The following PLA2R1 variants were observed in gnomAD, a reference collection of about 807,000 sequenced individuals.
PLA2R1 encodes phospholipase A2 receptor 1.
Under a neutral mutation model 195.9 loss-of-function variants are expected in PLA2R1, and 158 were observed. The ratio of observed to expected loss-of-function variants is 0.81; its 90% CI spans 0.71 to 0.92. The LOEUF is 0.92. Among genes scored for constraint, PLA2R1 ranks in the 40% least tolerant of loss-of-function variants. PLA2R1 has a pLI of 0.00. For missense variants in PLA2R1, 1,626 were observed against 1,764.6 expected, an observed-to-expected ratio of 0.92 and a Z score of 1.41; for synonymous variants, 586 against 598.2, an observed-to-expected ratio of 0.98 and a Z score of 0.30.
intron 11 of PLA2R1, among the ~76,000 whole-genome samples, chr2:160,002,722 TACTAGCAA>T (rs896132262): frequency 1.5e-4 from 23 of 151,998 alleles, no homozygotes; most frequent in African/African-American, 4.8e-4. Flanking sequence ...TGAAGCTTTG[TACTAGCAA>T]ACTAAACCCA....
At position 159,949,658 on chromosome 2, in the gene PLA2R1, C is replaced by T; in HGVS notation, c.3659G>A (p.Ser1220Asn). ...VFADSNGRWH[S>N]TACESFLQGA... ...TTGCAGAAATGACTCGCAGGCTGTG[C>T]TATGCCAGCGTCCGTTGCTGTCGGC... is the stretch of plus-strand genomic sequence containing the variant. Residue 1220 changes from serine (S) to asparagine (N), a missense_variant, in exon 25 of 30, where the codon AGC becomes AAC. Coordinates refer to ENST00000283243, the MANE Select transcript of PLA2R1 (RefSeq NM_007366.5). 1 of 1,614,038 alleles carries T rather than the reference C, an allele frequency of 6.2e-7. No individual in the cohort carries two copies. Among genetic ancestry groups the T allele is most frequent in the Non-Finnish European group, 8.5e-7 (1 of 1,179,894 alleles).
Position 159,932,514 on chromosome 2 carries a change from CCTTT to C in PLA2R1, c.*9260_*9263del, listed in dbSNP as rs1197498632. ...TGTTACGTTTCCATTCCTCCCCATT[CCTTT>C]CTTTGAGTTTTTCCTTGTTCTGCCT... is the stretch of plus-strand genomic sequence containing the variant. On this transcript the variant is annotated 3_prime_UTR_variant, in exon 30 of 30. Transcript: ENST00000283243. The C allele has an allele frequency of 6.6e-6, 1 of 152,300 alleles. No individual in the cohort carries two copies. Among genetic ancestry groups the C allele is most frequent in the Non-Finnish European group, 1.5e-5 (1 of 68,100 alleles). The allele number at this position is 152,300 out of a possible 1,614,324, so 9.4% of individuals were successfully genotyped here.
intron 20 of PLA2R1, among the ~76,000 whole-genome samples, chr2:159,958,910 C>CTTTTTAA (rs1688268743): frequency 6.6e-6 from 1 of 152,192 alleles, no homozygotes; most frequent in Admixed American, 6.5e-5. Flanking sequence ...TTTTAAAACT[C>CTTTTTAA]AGTCCTGATC....
In PLA2R1 at chr2:159,949,594, A is replaced by C; in HGVS notation, c.3709+14T>G. On this transcript the variant is annotated intron_variant, in intron 25 of 29. Coordinates refer to ENST00000283243, the MANE Select transcript of PLA2R1 (RefSeq NM_007366.5). ...AATAAGGTATATTTTTGAGTTGAAT[A>C]GAATTGAACCTACCAGGTGGCACAT... 1 of 1,599,716 alleles carries C rather than the reference A, an allele frequency of 6.3e-7. No homozygotes were observed. The highest frequency in any genetic ancestry group is 8.6e-7 in the Non-Finnish European group (1 of 1,167,460).
At chr2:159,951,716 G>GA in intron 23 of PLA2R1, 138 bp from the exon 24 acceptor site, 1 of 628,560 alleles carries the variant, frequency 1.6e-6, no homozygotes. Context: ...TTCAAAACAA[G>GA]AACACTATCT....
chr2:159,976,192 T>A lies in PLA2R1; in HGVS notation c.2471A>T (p.Tyr824Phe), dbSNP rs754300214. Residue 824 changes from tyrosine (Y) to phenylalanine (F), a missense_variant, in exon 17 of 30, where the codon TAC becomes TTC. Coordinates refer to ENST00000283243, the MANE Select transcript of PLA2R1 (RefSeq NM_007366.5). ...TTCTGAGGCAAAGGTATGAAAAAGG[T>A]ATTCTGCATCCTGATAAAAGAGCCA... is the stretch of plus-strand genomic sequence containing the variant. Reference protein sequence around the residue: ...VPWLFYQDAEYLFHTFASEWL... With the variant: ...VPWLFYQDAEFLFHTFASEWL... 1.9e-6 allele frequency: 3 copies of A among 1,610,894 alleles called. No individual in the cohort carries two copies. Among genetic ancestry groups the A allele is most frequent in the Non-Finnish European group, 2.5e-6 (3 of 1,177,710 alleles).
At position 159,941,559 on chromosome 2, in the gene PLA2R1, TA is replaced by T. The variant is rs1455989404; in HGVS notation, c.*218del. 2.6e-6 allele frequency: 1 copy of T among 384,388 alleles called. No homozygotes were observed. Among genetic ancestry groups the T allele is most frequent in the East Asian group, 4.1e-5 (1 of 24,232 alleles). 23.8% of individuals were successfully genotyped at this position (384,388 alleles called of 1,614,324 possible). A position where few individuals can be genotyped will look rare whatever the true frequency, so the allele number is the denominator to read the frequency against. Reference sequence around the variant, plus strand: ...TCTGAAAAATAACCAATGCATAATTTACCCCTTTTAAGAATGGATCACAGTT... The same window carrying T: ...TCTGAAAAATAACCAATGCATAATTTCCCCTTTTAAGAATGGATCACAGTT... On this transcript the variant is annotated 3_prime_UTR_variant, in exon 30 of 30. Transcript: ENST00000283243.
At chr2:160,029,233 G>T (rs1429156312) in intron 4 of PLA2R1, among the ~76,000 whole-genome samples, 1 of 152,198 alleles carries the variant, frequency 6.6e-6, no homozygotes, top group African/African-American at 2.4e-5. Context: ...AGACAAGGGT[G>T]CATGGTTGCA....
chr2:159,924,415 G>A, the PLA2R1 span, among the ~76,000 whole-genome samples: 101,977 of 152,032 alleles, frequency 0.67, 36,587 homozygotes, highest in East Asian at 0.81. Flanking sequence ...CTGAATCGAA[G>A]TCTCTCTTAT....
intron 11 of PLA2R1, among the ~76,000 whole-genome samples, chr2:160,005,365 G>A (rs1172463059): frequency 6.6e-6 from 1 of 152,128 alleles, no homozygotes; most frequent in African/African-American, 2.4e-5. Context: ...AGCCCAGGAG[G>A]TCAAGGCTGC....
intron 25 of PLA2R1, among the ~76,000 whole-genome samples, chr2:159,948,699 A>C (rs966473993): frequency 1.3e-5 from 2 of 151,940 alleles, no homozygotes; most frequent in Non-Finnish European, 2.9e-5. Flanking sequence ...GGAGTTTTAG[A>C]AGTAGAATTA....
At chr2:159,928,874 C>T (rs1002646912), downstream of PLA2R1, among the ~76,000 whole-genome samples, 13 of 152,126 alleles carry the variant, frequency 8.5e-5, no homozygotes, top group African/African-American at 3.1e-4. Flanking sequence ...TGATCTTCAA[C>T]AAAGCAAACA....
intron 3 of PLA2R1, among the ~76,000 whole-genome samples, chr2:160,035,565 C>T (rs1030822231): frequency 7.2e-5 from 11 of 152,160 alleles, no homozygotes; most frequent in African/African-American, 1.2e-4. Context: ...ATATTCTTTA[C>T]ATCTTTGATT....
rs115016568 is a variant in PLA2R1 at position 160,049,282 on chromosome 2, C to T, written c.110-4125G>A. ...CTTTGGCCCCATAAGATAACGTGTA[C>T]TCTTCTAAGGAGCGGGAGGAGAATG... On this transcript the variant is annotated intron_variant, in intron 1 of 29. Coordinates refer to ENST00000283243, the MANE Select transcript of PLA2R1 (RefSeq NM_007366.5). Among the ~76,000 whole-genome samples the T allele has an allele frequency of 8.4e-3, 1,285 of 152,184 alleles. 20 individuals carry two copies. The highest frequency in any genetic ancestry group is 0.029 in the African/African-American group (1,192 of 41,520).
intron 8 of PLA2R1, 137 bp from the exon 9 acceptor site, chr2:160,016,849 C>T: frequency 1.6e-6 from 1 of 607,650 alleles, no homozygotes; most frequent in Admixed American, 2.9e-5. Flanking sequence ...TCTGCTTTGT[C>T]ACGGAAAGGG....
rs766020281 is a variant in PLA2R1 at position 160,005,741 on chromosome 2, T to C, written c.1745A>G (p.Asp582Gly). The C allele has an allele frequency of 6.2e-7, 1 of 1,613,134 alleles. No individual in the cohort carries two copies. The change falls in exon 11 of 30, where the codon GAC (aspartate) becomes GGC (glycine). Residue 582 changes from aspartate to glycine, a missense_variant. By Grantham distance (94) the Asp-to-Gly change is moderately conservative. Transcript: ENST00000283243. ...AGTGTATTCTCCCGTATCATTTTGG[T>C]CCTGAAGAGCTATCCAAAAATAACT... The part of the protein sequence containing the change: ...KDSYFWIALQ[D>G]QNDTGEYTWK...
chr2:159,930,274 G>A (rs1411338638), downstream of PLA2R1, among the ~76,000 whole-genome samples: 1 of 152,170 alleles, frequency 6.6e-6, no homozygotes, highest in Non-Finnish European at 1.5e-5. Flanking sequence ...CAGGCATGGT[G>A]GCACGCGCCT....
Position 160,053,351 on chromosome 2 carries a change from G to T in PLA2R1, c.110-8194C>A, listed in dbSNP as rs532128381. Reference sequence around the variant, plus strand: ...TCTCATTTTTATACGAATTTGGTGGGGGGGGGGGGAACAATTCAGATCATA... The same window carrying T: ...TCTCATTTTTATACGAATTTGGTGGTGGGGGGGGGAACAATTCAGATCATA... On this transcript the variant is annotated intron_variant, in intron 1 of 29. Coordinates refer to ENST00000283243, the MANE Select transcript of PLA2R1 (RefSeq NM_007366.5). Among the ~76,000 whole-genome samples the T allele has an allele frequency of 4.1e-3, 383 of 94,140 alleles. 2 individuals carry two copies. Among genetic ancestry groups the T allele is most frequent in the African/African-American group, 9.8e-3 (325 of 33,252 alleles). The allele number at this position is 94,140 out of a possible 152,430, so 61.8% of individuals were successfully genotyped here. A position where few individuals can be genotyped will look rare whatever the true frequency, so the allele number is the denominator to read the frequency against.
chr2:159,952,888 A>T (rs1687841767), intron 23 of PLA2R1, among the ~76,000 whole-genome samples: 1 of 152,236 alleles, frequency 6.6e-6, no homozygotes. Flanking sequence ...ACATATGGAA[A>T]AACCAAAGTA....
Sources: allele counts gnomAD v4.1 joint callset (sites outside exome capture counted in the v4.1 genomes callset), GRCh38; gene constraint gnomAD v4.1.1; transcripts MANE v1.5; gene names NCBI Gene and HGNC (gene_info 2026-07-23, HGNC 2026-07-21).